MX2: variants seen among roughly 807,000 people sequenced by gnomAD.
MX2 encodes the protein MX dynamin like GTPase 2, also known as interferon-induced GTP-binding protein Mx2.
Under a neutral mutation model 74.0 loss-of-function variants are expected in MX2, and 51 were observed. The ratio of observed to expected loss-of-function variants is 0.69; its 90% CI spans 0.55 to 0.87. The LOEUF (loss-of-function observed/expected upper bound fraction) is 0.87, where lower values mean the gene tolerates loss of function less well. Among genes scored for constraint, MX2 ranks in the 40% least tolerant of loss-of-function variants. The pLI is 0.00. For missense variants in MX2, 832 were observed against 908.7 expected, an observed-to-expected ratio of 0.92 and a Z score of 1.09; for synonymous variants, 369 against 339.3, an observed-to-expected ratio of 1.09 and a Z score of -0.96.
intron 6 of MX2, among the ~76,000 whole-genome samples, chr21:41,395,061 A>G (rs536922216): frequency 3.5e-4 from 53 of 152,184 alleles, no homozygotes; most frequent in Non-Finnish European, 6.5e-4. Flanking sequence ...TGCAGTGGCA[A>G]TTTGACACTC....
intron 5 of MX2, among the ~76,000 whole-genome samples, chr21:41,384,898 C>G (rs1302244297): frequency 6.6e-6 from 1 of 151,340 alleles, no homozygotes; most frequent in East Asian, 1.9e-4. Context: ...CCTTAAGTTT[C>G]TTTTGTTTCT....
At chr21:41,382,900 G>A (rs2089517051) in intron 5 of MX2, among the ~76,000 whole-genome samples, 1 of 152,216 alleles carries the variant, frequency 6.6e-6, no homozygotes. Flanking sequence ...CATGAAATCT[G>A]TCCATTTTGG....
At chr21:41,382,191 C>T (rs1168877874) in intron 4 of MX2, among the ~76,000 whole-genome samples, 3 of 152,174 alleles carry the variant, frequency 2.0e-5, no homozygotes, top group Non-Finnish European at 4.4e-5. Context: ...CTTTTCTTCT[C>T]GTCTTTTGGA....
At position 41,363,940 on chromosome 21, in the gene MX2, G is replaced by A. The variant is rs2089240051; in HGVS notation, c.-72+1885G>A. Reference sequence around the variant, plus strand: ...TCAGGTGCAGGTCAGAGACAGCAGTGGAGACCCGATTCCCAGCCCTGGGCT... The same window carrying A: ...TCAGGTGCAGGTCAGAGACAGCAGTAGAGACCCGATTCCCAGCCCTGGGCT... On this transcript the variant is annotated intron_variant, in intron 1 of 13. Coordinates refer to ENST00000330714, the MANE Select transcript of MX2 (RefSeq NM_002463.2). The surrounding 1 kb of genome is among the most constrained non-coding windows in gnomAD (Gnocchi z 4.2). The A allele has an allele frequency of 6.5e-6, 1 of 154,914 alleles. No individual in the cohort carries two copies. Among genetic ancestry groups the A allele is most frequent in the Non-Finnish European group, 1.5e-5 (1 of 68,308 alleles). 9.6% of individuals were successfully genotyped at this position (154,914 alleles called of 1,614,324 possible). A position where few individuals can be genotyped will look rare whatever the true frequency, so the allele number is the denominator to read the frequency against.
At chr21:41,378,928 C>G (rs1303319791) in intron 3 of MX2, among the ~76,000 whole-genome samples, 1 of 152,174 alleles carries the variant, frequency 6.6e-6, no homozygotes, top group South Asian at 2.1e-4. Context: ...AACCAGAATG[C>G]TGGGGTGGCC....
At position 41,369,532 on chromosome 21, in the gene MX2, G is replaced by A. The variant is rs987567773; in HGVS notation, c.-71-7304G>A. Among the ~76,000 whole-genome samples the A allele has an allele frequency of 7.9e-5, 12 of 152,300 alleles. 1 individual carries two copies. The South Asian group carries it at 1.5e-3, about 18-fold the overall frequency. On this transcript the variant is annotated intron_variant, in intron 1 of 13. Transcript: ENST00000330714. ...GGGCACGGGGCAGGTTTTTGAGCCC[G>A]GCAGTGTAAGCAGTCTCTGTCCCAA... is the stretch of plus-strand genomic sequence containing the variant.
Position 41,395,726 on chromosome 21 carries a change from G to A in MX2, c.1011G>A (p.Leu337=). The A allele has an allele frequency of 3.7e-6, 6 of 1,614,180 alleles. No homozygotes were observed. Among genetic ancestry groups the A allele is most frequent in the Non-Finnish European group, 5.1e-6 (6 of 1,180,044 alleles). ...CRGQQEITNR[L]SLAEATKKEI... ...GCCAGCAGGAGATCACAAACAGGCT[G>A]AGCTTGGCAGAGGCAACCAAGAAAG... Residue 337 remains leucine, a synonymous_variant, in exon 7 of 14, where the codon CTG becomes CTA. Coordinates refer to ENST00000330714, the MANE Select transcript of MX2 (RefSeq NM_002463.2).
intron 5 of MX2, 161 bp from the exon 6 acceptor site, chr21:41,390,404 C>T (rs768677541): frequency 7.2e-5 from 72 of 996,074 alleles, no homozygotes; most frequent in Non-Finnish European, 1.0e-4. Flanking sequence ...GCAGGGCCGC[C>T]GGGGCAGGCA....
chr21:41,368,854 C>T lies in MX2; in HGVS notation c.-72+6799C>T, dbSNP rs541348126. 3.3e-4 allele frequency among the ~76,000 whole-genome samples: 51 copies of T among 152,318 alleles called. 1 individual carries two copies. The South Asian group carries it at 0.01, about 31-fold the overall frequency. On this transcript the variant is annotated intron_variant, in intron 1 of 13. Coordinates refer to ENST00000330714, the MANE Select transcript of MX2 (RefSeq NM_002463.2). The surrounding 1 kb of genome is among the most constrained non-coding windows in gnomAD (Gnocchi z 4.6). ...ACCAAGGGCAGCTGGCTCCAGCTCT[C>T]AGCCTTTGAAGGATATTGTGGCTAG... is the stretch of plus-strand genomic sequence containing the variant.
chr21:41,401,135 A>G (rs1417159666), intron 10 of MX2: 1 of 148,960 alleles, frequency 6.7e-6, no homozygotes, highest in Non-Finnish European at 1.5e-5. Flanking sequence ...GGGGATTACA[A>G]TTTGAGATGA....
intron 9 of MX2, 77 bp from the exon 10 acceptor site, chr21:41,399,119 G>A: frequency 6.3e-7 from 1 of 1,596,732 alleles, no homozygotes; most frequent in Non-Finnish European, 8.6e-7. Context: ...GTGGGCGGGT[G>A]GACATCTCCT....
At chr21:41,362,750 CTT>C (rs56903696) in intron 1 of MX2, among the ~76,000 whole-genome samples, 11 of 82,164 alleles carry the variant, frequency 1.3e-4, no homozygotes, top group African/African-American at 5.4e-4. Flanking sequence ...GTTTTTTTTT[CTT>C]TTTTTTTTTT....
chr21:41,390,654 G>A lies in MX2; in HGVS notation c.822G>A (p.Glu274=), dbSNP rs147975177. ...GTAACGTGGACATTGCCACCACGGA[G>A]GCGCTGAGCATGGCCCATGAGGTGG... ...VPCNVDIATT[E]ALSMAHEVDP... Residue 274 remains glutamate, a synonymous_variant, in exon 6 of 14, where the codon GAG becomes GAA. Transcript: ENST00000330714. 128 of 1,614,210 alleles carry A rather than the reference G, an allele frequency of 7.9e-5. No individual in the cohort carries two copies. Among genetic ancestry groups the A allele is most frequent in the Non-Finnish European group, 9.1e-5 (107 of 1,180,050 alleles).
chr21:41,384,822 G>C (rs1457260013), intron 5 of MX2, among the ~76,000 whole-genome samples: 1 of 145,292 alleles, frequency 6.9e-6, no homozygotes, highest in Non-Finnish European at 1.5e-5. Flanking sequence ...CTGGGCCACA[G>C]AGTGAGATTC....
At chr21:41,397,447 G>T (rs1260526523) in intron 7 of MX2, among the ~76,000 whole-genome samples, 166 bp from the exon 8 acceptor site, 1 of 144,726 alleles carries the variant, frequency 6.9e-6, no homozygotes, top group Non-Finnish European at 1.5e-5. Context: ...GCCCACAGTT[G>T]CCTGGGTGCA....
intron 5 of MX2, among the ~76,000 whole-genome samples, chr21:41,384,140 C>T (rs1394832375): frequency 6.6e-6 from 1 of 152,170 alleles, no homozygotes; most frequent in Non-Finnish European, 1.5e-5. Context: ...GGTGCCTGCA[C>T]CCCCTTGGCC....
Position 41,380,293 on chromosome 21 carries a change from G to A in MX2, c.577+142G>A. ...GCTCCCACATGGGGCTGAACCCATT[G>A]CTGTCACCTCCACCATCCCTCCAGG... On this transcript the variant is annotated intron_variant, in intron 4 of 13. Coordinates refer to ENST00000330714, the MANE Select transcript of MX2 (RefSeq NM_002463.2). This position sits in a 1 kb window ranked among gnomAD's most constrained non-coding sequence, Gnocchi z 4.3. 1 of 1,130,544 alleles carries A rather than the reference G, an allele frequency of 8.8e-7. No homozygotes were observed. The highest frequency in any genetic ancestry group is 1.6e-5 in the South Asian group (1 of 64,420). The allele number at this position is 1,130,544 out of a possible 1,614,324, so 70.0% of individuals were successfully genotyped here.
chr21:41,398,986 C>T lies in MX2; in HGVS notation c.1239C>T (p.Ser413=), dbSNP rs777028951. 6.2e-6 allele frequency: 10 copies of T among 1,613,816 alleles called. No individual in the cohort carries two copies. The South Asian group carries it at 1.1e-4, about 18-fold the overall frequency. Residue 413 remains serine, a synonymous_variant, in exon 9 of 14, where the codon AGC becomes AGT. Transcript: ENST00000330714. ...ELRRCGADIP[S]QEADKMFFLI... is the part of the protein sequence containing the mutation. ...GGCGTTGCGGGGCTGACATCCCCAG[C>T]CAGGAGGCCGACAAGATGTTCTTTC...
intron 5 of MX2, among the ~76,000 whole-genome samples, chr21:41,386,004 A>G (rs1286038611): frequency 3.3e-5 from 5 of 152,024 alleles, no homozygotes; most frequent in African/African-American, 1.2e-4. Flanking sequence ...TAAAAAAAAT[A>G]CAAATAAAGA....
Sources: allele counts gnomAD v4.1 joint callset (sites outside exome capture counted in the v4.1 genomes callset), GRCh38; gene constraint gnomAD v4.1.1; non-coding constraint Gnocchi (gnomAD v3.1); transcripts MANE v1.5; gene names NCBI Gene and HGNC (gene_info 2026-07-23, HGNC 2026-07-21).